Variants in APBA3 observed in about 807,000 individuals in gnomAD.
APBA3 encodes amyloid-beta A4 precursor protein-binding family A member 3.
In APBA3, 45 loss-of-function variants were observed where a neutral mutation model predicts 55.9. That is an observed-to-expected ratio of 0.80 (90% CI 0.63 to 1.03). APBA3 has a LOEUF of 1.03. Among genes scored for constraint, APBA3 ranks in the 50% least tolerant of loss-of-function variants. The pLI, the probability that APBA3 is intolerant of heterozygous loss-of-function variation, is 0.00. For missense variants in APBA3, 865 were observed against 820.3 expected (o/e 1.05, Z -0.67); for synonymous variants, 370 against 353.3 (o/e 1.05, Z -0.53).
intron 8 of APBA3, 131 bp downstream of exon 8, chr19:3,752,377 T>C: frequency 1.2e-6 from 1 of 820,824 alleles, no homozygotes; most frequent in South Asian, 1.8e-5. Flanking sequence ...GGCACACCAG[T>C]GGGCAGGACT....
At position 3,752,945 on chromosome 19, in the gene APBA3, A is replaced by G; in HGVS notation, c.1057T>C (p.Tyr353His). The change falls in exon 7 of 11, where the codon TAC becomes CAC. Residue 353 changes from tyrosine (Y) to histidine (H), a missense_variant. Coordinates refer to ENST00000316757, the MANE Select transcript of APBA3 (RefSeq NM_004886.4). ...CCGCTTTCCCGTAGGAACTGGCTGT[A>G]GGCGGCGGCGAAGGCCTGGCCAATG... is the stretch of plus-strand genomic sequence containing the variant. ...QAIGQAFAAA[Y>H]SQFLRESGID... 1 of 1,613,148 alleles carries G rather than the reference A, an allele frequency of 6.2e-7. No homozygotes were observed. Among genetic ancestry groups the G allele is most frequent in the Non-Finnish European group, 8.5e-7 (1 of 1,179,922 alleles).
At chr19:3,761,275 A>ACCCAAGACCCCAGT (rs1185456739) in intron 1 of APBA3, among the ~76,000 whole-genome samples, 2 of 151,848 alleles carry the variant, frequency 1.3e-5, no homozygotes, top group Admixed American at 6.6e-5. Flanking sequence ...AAGACCCCAG[A>ACCCAAGACCCCAGT]CCCAAGACCC....
In APBA3 at chr19:3,759,761, T is replaced by C; in HGVS notation, c.504A>G (p.Ser168=). Residue 168 remains serine (S), a synonymous_variant, in exon 2 of 11, where the codon TCA becomes TCG. Transcript: ENST00000316757. ...ASAEQEGSRS[S]SSSPEPWLET... ...CCAGCCAGGGTTCCGGGGAACTGCTTGAGCTCCTGCTGCCCTCCTGCTCAG... is the reference window on the plus strand; with the variant it reads ...CCAGCCAGGGTTCCGGGGAACTGCTCGAGCTCCTGCTGCCCTCCTGCTCAG... 6.2e-7 allele frequency: 1 copy of C among 1,612,618 alleles called. No homozygotes were observed. Among genetic ancestry groups the C allele is most frequent in the Non-Finnish European group, 8.5e-7 (1 of 1,179,826 alleles).
At chr19:3,752,479 T>G (rs1599171008) in intron 8 of APBA3, 29 bp downstream of exon 8, 1 of 1,532,636 alleles carries the variant, frequency 6.5e-7, no homozygotes, top group Non-Finnish European at 8.8e-7. Context: ...CCTGGGAGTG[T>G]GGGGGCCCTG....
intron 3 of APBA3, among the ~76,000 whole-genome samples, chr19:3,756,858 T>C (rs758059424): frequency 4.6e-5 from 7 of 152,234 alleles, no homozygotes; most frequent in Admixed American, 2.0e-4. Context: ...ACACTATAAT[T>C]GGACAGCTCT....
Position 3,752,551 on chromosome 19 carries a change from C to G in APBA3, c.1352G>C (p.Ser451Thr), listed in dbSNP as rs771895813. ...CGCAGCCAGGGGCAGCCCCACCAGG[C>G]TGGTCCCGTTGATGGCGGTCAGGCG... Reference protein sequence around the residue: ...GDRLTAINGTSLVGLPLAACQ... With the variant: ...GDRLTAINGTTLVGLPLAACQ... The change falls in exon 8 of 11, where the codon AGC becomes ACC. Residue 451 changes from serine (S) to threonine (T), a missense_variant. Ser to Thr is a moderately conservative substitution (Grantham distance 58). Transcript: ENST00000316757. 6.3e-7 allele frequency: 1 copy of G among 1,589,626 alleles called. No individual in the cohort carries two copies. Among genetic ancestry groups the G allele is most frequent in the Admixed American group, 1.8e-5 (1 of 57,098 alleles).
chr19:3,752,430 TG>T, intron 8 of APBA3, 77 bp downstream of exon 8: 2 of 1,340,112 alleles, frequency 1.5e-6, no homozygotes, highest in Non-Finnish European at 2.0e-6. Context: ...TGGAGAGACC[TG>T]GCCAGGGAGG....
In APBA3 at chr19:3,754,240, G is replaced by A. The variant is rs2037048519; in HGVS notation, c.717C>T (p.Thr239=). 2 of 1,546,196 alleles carry A rather than the reference G, an allele frequency of 1.3e-6. No homozygotes were observed. Among genetic ancestry groups the A allele is most frequent in the Admixed American group, 4.1e-5 (2 of 49,216 alleles). Residue 239 remains threonine (T), a synonymous_variant, in exon 4 of 11, where the codon ACC becomes ACT. Coordinates refer to ENST00000316757, the MANE Select transcript of APBA3 (RefSeq NM_004886.4). ...CCCGGGCCTGGGCCATGCGCGTGCTGGTGGGCGGGTTCCGTTCCGACACCA... is the reference window on the plus strand; with the variant it reads ...CCCGGGCCTGGGCCATGCGCGTGCTAGTGGGCGGGTTCCGTTCCGACACCA... ...TQLVSERNPP[T]STRMAQAREA... is the part of the protein sequence containing the mutation.
In APBA3 at chr19:3,750,873, G is replaced by A. The variant is rs755894340; in HGVS notation, c.*153C>T. 2 of 1,083,540 alleles carry A rather than the reference G, an allele frequency of 1.8e-6. No homozygotes were observed. Among genetic ancestry groups the A allele is most frequent in the Non-Finnish European group, 2.7e-6 (2 of 730,656 alleles). 67.1% of individuals were successfully genotyped at this position (1,083,540 alleles called of 1,614,324 possible). On this transcript the variant is annotated 3_prime_UTR_variant, in exon 11 of 11. Coordinates refer to ENST00000316757, the MANE Select transcript of APBA3 (RefSeq NM_004886.4). Reference sequence around the variant, plus strand: ...CTCGGTCCCGTAGACCCTGATCCGAGACTTTGCCAAATGCATAAGCTTTTA... The same window carrying A: ...CTCGGTCCCGTAGACCCTGATCCGAAACTTTGCCAAATGCATAAGCTTTTA...
rs143007867 is a variant in APBA3, at chr19:3,759,325, C to A, written c.616+236G>T. 5.5e-3 allele frequency among the ~76,000 whole-genome samples: 836 copies of A among 152,322 alleles called. 6 individuals carry two copies. The highest frequency in any genetic ancestry group is 0.02 in the African/African-American group (811 of 41,568). Reference sequence around the variant, plus strand: ...CCCGACGACGATGATTTGCCAAGCCCGGTTCTAGAACCCAGTGCTGCCAAT... The same window carrying A: ...CCCGACGACGATGATTTGCCAAGCCAGGTTCTAGAACCCAGTGCTGCCAAT... On this transcript the variant is annotated intron_variant, in intron 3 of 10. Transcript: ENST00000316757.
chr19:3,759,318 C>T (rs1285904826), intron 3 of APBA3, among the ~76,000 whole-genome samples: 1 of 152,210 alleles, frequency 6.6e-6, no homozygotes, highest in Non-Finnish European at 1.5e-5. Flanking sequence ...CGATGATTTG[C>T]CAAGCCCGGT....
intron 3 of APBA3, among the ~76,000 whole-genome samples, chr19:3,757,253 G>A (rs901087621): frequency 2.0e-5 from 3 of 151,784 alleles, no homozygotes; most frequent in South Asian, 2.1e-4. Context: ...CCCATGCCAC[G>A]TGCCTGGCTA....
Position 3,759,969 on chromosome 19 carries a change from G to A in APBA3, c.296C>T (p.Ala99Val). Residue 99 changes from alanine to valine, a missense_variant, in exon 2 of 11, where the codon GCC (alanine) becomes GTC (valine). Ala to Val is a moderately conservative substitution (Grantham distance 64, BLOSUM62 0). Transcript: ENST00000316757. ...AGCTTCGGCAGACAGGAGCCCGTGGGCATCAGCAATCTCCTGGGAGGCCAG... is the reference window on the plus strand; with the variant it reads ...AGCTTCGGCAGACAGGAGCCCGTGGACATCAGCAATCTCCTGGGAGGCCAG... ...HGLASQEIAD[A>V]HGLLSAEAGR... 6.2e-7 allele frequency: 1 copy of A among 1,610,102 alleles called. No homozygotes were observed.
At position 3,752,568 on chromosome 19, in the gene APBA3, G is replaced by T; in HGVS notation, c.1335C>A (p.Thr445=). 1.9e-6 allele frequency: 3 copies of T among 1,588,146 alleles called. No individual in the cohort carries two copies. Among genetic ancestry groups the T allele is most frequent in the Non-Finnish European group, 2.6e-6 (3 of 1,172,180 alleles). ...SGALSIGDRL[T]AINGTSLVGL... ...CCACCAGGCTGGTCCCGTTGATGGC[G>T]GTCAGGCGGTCCCCGATGCTGAGGG... The change falls in exon 8 of 11, where the codon ACC becomes ACA. Residue 445 remains threonine (T), a synonymous_variant. Transcript: ENST00000316757.
chr19:3,752,944 T>C lies in APBA3; in HGVS notation c.1058A>G (p.Tyr353Cys). ...QAIGQAFAAA[Y>C]SQFLRESGID... Reference sequence around the variant, plus strand: ...ACCGCTTTCCCGTAGGAACTGGCTGTAGGCGGCGGCGAAGGCCTGGCCAAT... The same window carrying C: ...ACCGCTTTCCCGTAGGAACTGGCTGCAGGCGGCGGCGAAGGCCTGGCCAAT... The change falls in exon 7 of 11, where the codon TAC becomes TGC. Residue 353 changes from tyrosine (Y) to cysteine (C), a missense_variant. Transcript: ENST00000316757. 2.5e-6 allele frequency: 4 copies of C among 1,613,156 alleles called. No homozygotes were observed. The highest frequency in any genetic ancestry group is 3.4e-6 in the Non-Finnish European group (4 of 1,179,900).
At chr19:3,760,521 G>A (rs906082645) in intron 1 of APBA3, among the ~76,000 whole-genome samples, 4 of 151,908 alleles carry the variant, frequency 2.6e-5, no homozygotes, top group Non-Finnish European at 4.4e-5. Context: ...AGGCCGAGGC[G>A]GGCAGATCAT....
At chr19:3,756,174 T>A (rs887257376) in intron 3 of APBA3, 3 of 152,066 alleles carry the variant, frequency 2.0e-5, no homozygotes, top group African/African-American at 7.2e-5. Context: ...ATTGAAGATT[T>A]GGTATGAAAA....
intron 1 of APBA3, among the ~76,000 whole-genome samples, chr19:3,761,123 C>G (rs927276465): frequency 5.3e-5 from 8 of 152,082 alleles, no homozygotes; most frequent in African/African-American, 1.7e-4. Context: ...GCCCCTGTGT[C>G]ATCCCAGACC....
chr19:3,757,434 A>G (rs2037091066), intron 3 of APBA3, among the ~76,000 whole-genome samples: 1 of 151,994 alleles, frequency 6.6e-6, no homozygotes, highest in African/African-American at 2.4e-5. Context: ...CTATATCCTT[A>G]GCGAAGTGTA....
Sources: gnomAD v4.1 joint callset for allele counts (sites outside exome capture counted in the v4.1 genomes callset) on GRCh38, gnomAD v4.1.1 for gene constraint, MANE v1.5 for transcripts, NCBI Gene and HGNC (gene_info 2026-07-23, HGNC 2026-07-21) for gene names.